The following MAGI2 variants were observed in gnomAD, a reference collection of about 807,000 sequenced individuals.
MAGI2 encodes the protein membrane-associated guanylate kinase, WW and PDZ domain-containing protein 2.
A neutral mutation model predicts 133.3 loss-of-function variants in MAGI2; 35 were observed. That is an observed-to-expected ratio of 0.26 (90% CI 0.20 to 0.35). The LOEUF (loss-of-function observed/expected upper bound fraction) is 0.35. MAGI2 is among the 10% of genes least tolerant of loss of function. The pLI is 1.00. For missense variants in MAGI2, 1,636 were observed against 1,863.4 expected, an observed-to-expected ratio of 0.88 and a Z score of 2.25; for synonymous variants, 729 against 710.6, an observed-to-expected ratio of 1.03 and a Z score of -0.41.
rs545309628 is a variant in MAGI2 at position 78,191,886 on chromosome 7, G to A, written c.2269+2988C>T. 3.9e-5 allele frequency among the ~76,000 whole-genome samples: 6 copies of A among 151,982 alleles called. No homozygotes were observed. The East Asian group carries it at 9.7e-4, about 25-fold the overall frequency. ...TGCACATTAAAATGTCAGCATAATC[G>A]AATTATAAGTCAAATGAGGCACGGC... On this transcript the variant is annotated intron_variant, in intron 12 of 21. Transcript: ENST00000354212.
intron 2 of MAGI2, among the ~76,000 whole-genome samples, chr7:78,781,710 A>T (rs1826414792): frequency 6.6e-6 from 1 of 152,150 alleles, no homozygotes; most frequent in African/African-American, 2.4e-5. Flanking sequence ...TATATTAGAA[A>T]TTTTAAATGA....
Position 78,356,479 on chromosome 7 carries a change from T to C in MAGI2, c.1104-10436A>G, listed in dbSNP as rs987438252. Among the ~76,000 whole-genome samples, 4 of 152,168 alleles carry C rather than the reference T, an allele frequency of 2.6e-5. No homozygotes were observed. In the East Asian group the frequency reaches 7.7e-4, roughly 29 times the overall value. On this transcript the variant is annotated intron_variant, in intron 7 of 21. Transcript: ENST00000354212. ...CAGCTAGACGGAGGATATTGAATGT[T>C]CCCAACACAAATAAATTATAAATGA...
chr7:79,130,154 C>A (rs200927496), intron 1 of MAGI2, among the ~76,000 whole-genome samples: 269 of 120,288 alleles, frequency 2.2e-3, no homozygotes, highest in Middle Eastern at 4.3e-3. Context: ...ACTCTCTCTA[C>A]AAAAAAAAAA....
At chr7:79,296,992 C>G (rs1287558325) in intron 1 of MAGI2, among the ~76,000 whole-genome samples, 1 of 66,854 alleles carries the variant, frequency 1.5e-5, no homozygotes, top group Non-Finnish European at 2.9e-5. Flanking sequence ...CACACCATAC[C>G]CCATAAATAT....
chr7:78,781,473 C>A (rs1009387900), intron 2 of MAGI2, among the ~76,000 whole-genome samples: 2 of 151,640 alleles, frequency 1.3e-5, no homozygotes, highest in Non-Finnish European at 2.9e-5. Flanking sequence ...AATTATTGCC[C>A]ACATAAATGT....
At chr7:78,493,846 A>AT (rs1446884664) in intron 5 of MAGI2, among the ~76,000 whole-genome samples, 2 of 140,880 alleles carry the variant, frequency 1.4e-5, no homozygotes, top group East Asian at 4.0e-4. Flanking sequence ...AATAAGTATG[A>AT]TATTAAAGTT....
chr7:78,271,900 T>C (rs544559590), intron 9 of MAGI2, among the ~76,000 whole-genome samples: 1 of 152,312 alleles, frequency 6.6e-6, no homozygotes, highest in African/African-American at 2.4e-5. Context: ...AACCAGCTCC[T>C]AGATGCACTG....
intron 1 of MAGI2, among the ~76,000 whole-genome samples, chr7:79,093,422 C>T (rs1207794512): frequency 2.6e-5 from 4 of 152,128 alleles, no homozygotes; most frequent in African/African-American, 9.7e-5. Context: ...TAAAGTAAGT[C>T]ACATAACTTT....
intron 9 of MAGI2, among the ~76,000 whole-genome samples, chr7:78,259,093 T>A (rs1169960091): frequency 6.6e-6 from 1 of 152,208 alleles, no homozygotes; most frequent in East Asian, 1.9e-4. Flanking sequence ...TAGTTTTGAT[T>A]TGCATTTCCC....
At chr7:79,413,397 C>T (rs939762139) in intron 1 of MAGI2, 7 of 152,160 alleles carry the variant, frequency 4.6e-5, no homozygotes, top group Non-Finnish European at 8.8e-5. Context: ...TTTTGATAGC[C>T]AAGCCAAGAA....
intron 1 of MAGI2, among the ~76,000 whole-genome samples, chr7:79,370,876 G>T (rs1407688597): frequency 6.6e-6 from 1 of 151,992 alleles, no homozygotes; most frequent in Non-Finnish European, 1.5e-5. Flanking sequence ...CTGAAGAATG[G>T]TTATAAAGGT....
intron 1 of MAGI2, among the ~76,000 whole-genome samples, chr7:79,366,293 T>A (rs531299699): frequency 4.6e-5 from 7 of 152,262 alleles, no homozygotes; most frequent in African/African-American, 1.4e-4. Context: ...TCCCAAAATG[T>A]TATACACTGT....
At chr7:79,411,560 T>C (rs937854197) in intron 1 of MAGI2, 1 of 152,154 alleles carries the variant, frequency 6.6e-6, no homozygotes, top group Non-Finnish European at 1.5e-5. Context: ...CAAAGCTACA[T>C]GGCCCTGTCA....
chr7:78,834,849 T>G (rs1791478913), intron 2 of MAGI2, among the ~76,000 whole-genome samples: 1 of 152,092 alleles, frequency 6.6e-6, no homozygotes, highest in African/African-American at 2.4e-5. Context: ...GAGATCTGAT[T>G]GTGTAAAACT....
Position 79,197,729 on chromosome 7 carries a change from G to T in MAGI2, c.302-190523C>A, listed in dbSNP as rs1456794710. ...TGGAGGCTGGGAAGTCCAAGGTGAAGGCTGTACCGACTCCATGTCTGGTAA... is the reference window on the plus strand; with the variant it reads ...TGGAGGCTGGGAAGTCCAAGGTGAATGCTGTACCGACTCCATGTCTGGTAA... On this transcript the variant is annotated intron_variant, in intron 1 of 21. Coordinates refer to ENST00000354212, the MANE Select transcript of MAGI2 (RefSeq NM_012301.4). 1.3e-5 allele frequency among the ~76,000 whole-genome samples: 2 copies of T among 151,936 alleles called. 1 individual carries two copies. The highest frequency in any genetic ancestry group is 4.8e-5 in the African/African-American group (2 of 41,274).
At chr7:78,386,769 C>A (rs952509555) in intron 6 of MAGI2, among the ~76,000 whole-genome samples, 1 of 152,114 alleles carries the variant, frequency 6.6e-6, no homozygotes, top group Non-Finnish European at 1.5e-5. Context: ...CATGCAAACA[C>A]GAAAACTATT....
At chr7:78,719,056 T>C (rs1356127685) in intron 2 of MAGI2, among the ~76,000 whole-genome samples, 1 of 152,218 alleles carries the variant, frequency 6.6e-6, no homozygotes, top group Non-Finnish European at 1.5e-5. Context: ...TGCATCCTTA[T>C]GTCTGTGGGG....
intron 3 of MAGI2, among the ~76,000 whole-genome samples, chr7:78,526,096 A>G (rs1796925948): frequency 6.6e-6 from 1 of 152,252 alleles, no homozygotes; most frequent in Non-Finnish European, 1.5e-5. Flanking sequence ...AATATTATAT[A>G]TAAAGCGAGT....
intron 1 of MAGI2, among the ~76,000 whole-genome samples, chr7:79,376,659 A>G (rs978228774): frequency 2.6e-5 from 4 of 151,908 alleles, no homozygotes; most frequent in Non-Finnish European, 5.9e-5. Context: ...GAGCAGGGTC[A>G]TGCGAAATTT....
Sources: gnomAD v4.1 joint callset for allele counts (sites outside exome capture counted in the v4.1 genomes callset) on GRCh38, gnomAD v4.1.1 for gene constraint, MANE v1.5 for transcripts, NCBI Gene and HGNC (gene_info 2026-07-23, HGNC 2026-07-21) for gene names.